Variants in ADAM22 observed in about 807,000 individuals in gnomAD.
ADAM22 encodes disintegrin and metalloproteinase domain-containing protein 22.
A neutral mutation model predicts 144.6 loss-of-function variants in ADAM22; 65 were observed. The ratio of observed to expected loss-of-function variants is 0.45; its 90% CI spans 0.37 to 0.55. The LOEUF (loss-of-function observed/expected upper bound fraction) is 0.55. Ranked by LOEUF, ADAM22 falls within the 20% of genes least tolerant of loss-of-function variation. ADAM22 has a pLI of 0.00. For missense variants in ADAM22, 974 were observed against 1,184.9 expected (o/e 0.82, Z 2.61); for synonymous variants, 391 against 412.6 (o/e 0.95, Z 0.63).
intron 2 of ADAM22, among the ~76,000 whole-genome samples, chr7:87,950,078 G>A (rs2131377968): frequency 6.6e-6 from 1 of 152,072 alleles, no homozygotes; most frequent in South Asian, 2.1e-4. Flanking sequence ...AGTATAATTA[G>A]CTTCAAGAAT....
intron 3 of ADAM22, among the ~76,000 whole-genome samples, chr7:87,993,091 A>T (rs1366538359): frequency 2.0e-5 from 3 of 152,134 alleles, no homozygotes; most frequent in African/African-American, 7.2e-5. Flanking sequence ...TATGGGGTGG[A>T]TATTGGAGAG....
chr7:88,098,419 G>A (rs777856456), intron 4 of ADAM22, among the ~76,000 whole-genome samples: 1 of 152,070 alleles, frequency 6.6e-6, no homozygotes, highest in Non-Finnish European at 1.5e-5. Context: ...TATTTTACTG[G>A]TTTGAATAGT....
At position 88,131,451 on chromosome 7, in the gene ADAM22, A is replaced by G. The variant is rs374372191; in HGVS notation, c.992+16A>G. On this transcript the variant is annotated intron_variant, in intron 11 of 31. Coordinates refer to ENST00000413139, the MANE Select transcript of ADAM22 (RefSeq NM_001324418.2). ...ACCTTTTTTCGTACGTAACTTCTGT[A>G]ATGATGTATTACTTTTTTTGATTCC... The G allele has an allele frequency of 1.2e-5, 20 of 1,611,706 alleles. No individual in the cohort carries two copies. The Middle Eastern group carries it at 8.2e-4, about 66-fold the overall frequency.
At chr7:88,192,958 CTGT>C (rs1849933307) in intron 30 of ADAM22, among the ~76,000 whole-genome samples, 155 bp from the exon 31 acceptor site, 1 of 152,206 alleles carries the variant, frequency 6.6e-6, no homozygotes. Context: ...CAGCATTTCA[CTGT>C]TGAGAATGAC....
At chr7:87,959,201 C>T (rs1847498921) in intron 2 of ADAM22, among the ~76,000 whole-genome samples, 1 of 152,092 alleles carries the variant, frequency 6.6e-6, no homozygotes, top group African/African-American at 2.4e-5. Context: ...GCCACTAGCT[C>T]ACTGTGTGAA....
rs1181155044 is a variant in ADAM22 at position 88,036,451 on chromosome 7, A to G, written c.324-39175A>G. 2.0e-5 allele frequency among the ~76,000 whole-genome samples: 3 copies of G among 152,154 alleles called. 1 individual carries two copies. Among genetic ancestry groups the G allele is most frequent in the Admixed American group, 2.0e-4 (3 of 15,276 alleles). ...GATGTAAAATATTTTTCACAATTGT[A>G]TTTTTAATATAGCAACCCATTTTAT... On this transcript the variant is annotated intron_variant, in intron 3 of 31. Transcript: ENST00000413139.
chr7:87,949,116 C>A (rs1844413568), intron 2 of ADAM22, among the ~76,000 whole-genome samples: 1 of 152,112 alleles, frequency 6.6e-6, no homozygotes, highest in African/African-American at 2.4e-5. Flanking sequence ...ATGGCTAAAG[C>A]CCTAAATTCT....
intron 3 of ADAM22, among the ~76,000 whole-genome samples, chr7:88,047,971 G>A (rs966637661): frequency 2.0e-5 from 3 of 151,948 alleles, no homozygotes; most frequent in Non-Finnish European, 4.4e-5. Context: ...TAAAAAAGAA[G>A]TGAAATAAAA....
chr7:87,953,341 G>T (rs1282158318), intron 2 of ADAM22, among the ~76,000 whole-genome samples: 1 of 151,900 alleles, frequency 6.6e-6, no homozygotes, highest in African/African-American at 2.4e-5. Flanking sequence ...GGTATGTTGG[G>T]TGTTTGTTCT....
At chr7:88,083,629 G>A (rs1171704841) in intron 4 of ADAM22, among the ~76,000 whole-genome samples, 1 of 142,540 alleles carries the variant, frequency 7.0e-6, no homozygotes, top group Non-Finnish European at 1.5e-5. Context: ...GTGTGTGTGT[G>A]TGTGTATGTG....
intron 6 of ADAM22, among the ~76,000 whole-genome samples, chr7:88,115,970 G>A (rs146019235): frequency 5.9e-5 from 9 of 152,196 alleles, no homozygotes; most frequent in African/African-American, 9.6e-5. Flanking sequence ...GTTCTTCCTC[G>A]TATTACACAA....
At chr7:87,961,066 G>A (rs1245755978) in intron 2 of ADAM22, among the ~76,000 whole-genome samples, 5 of 152,124 alleles carry the variant, frequency 3.3e-5, no homozygotes, top group Non-Finnish European at 7.4e-5. Flanking sequence ...AAAAAATATA[G>A]CATGGTAATG....
At chr7:87,947,661 G>A (rs746772683) in intron 2 of ADAM22, among the ~76,000 whole-genome samples, 1 of 152,074 alleles carries the variant, frequency 6.6e-6, no homozygotes, top group Non-Finnish European at 1.5e-5. Context: ...CATAGTTAAC[G>A]AGGGAAAAGT....
intron 3 of ADAM22, among the ~76,000 whole-genome samples, chr7:88,025,591 C>T (rs1303144698): frequency 6.6e-6 from 1 of 152,110 alleles, no homozygotes; most frequent in African/African-American, 2.4e-5. Context: ...ATATGGATAT[C>T]CAGTTTTCCC....
chr7:88,097,293 A>G (rs1821635826), intron 4 of ADAM22, among the ~76,000 whole-genome samples: 1 of 151,424 alleles, frequency 6.6e-6, no homozygotes, highest in Non-Finnish European at 1.5e-5. Flanking sequence ...CTGGAATTAC[A>G]GGTGTGCGCC....
chr7:88,152,339 C>T (rs1410161568), intron 20 of ADAM22, among the ~76,000 whole-genome samples: 2 of 152,004 alleles, frequency 1.3e-5, no homozygotes, highest in Non-Finnish European at 2.9e-5. Context: ...ATCAACTGTC[C>T]CTGGTTTTAG....
In ADAM22 at chr7:88,010,027, CT is replaced by C. The variant is rs1444020736; in HGVS notation, c.323+31616del. Among the ~76,000 whole-genome samples the C allele has an allele frequency of 8.1e-5, 10 of 123,944 alleles. No individual in the cohort carries two copies. The East Asian group carries it at 2.1e-3, about 25-fold the overall frequency. 81.3% of individuals were successfully genotyped at this position (123,944 alleles called of 152,430 possible). On this transcript the variant is annotated intron_variant, in intron 3 of 31. Transcript: ENST00000413139. ...TCCAACCCGTTATGGTTGAATTTCT[CT>C]CTTTTTTTTTTTCAAATATAAATAG...
chr7:88,119,698 A>G (rs1310626292), intron 7 of ADAM22, among the ~76,000 whole-genome samples: 2 of 152,234 alleles, frequency 1.3e-5, no homozygotes, highest in African/African-American at 2.4e-5. Context: ...CATGTTGGTC[A>G]GGCTGGTCTC....
intron 2 of ADAM22, among the ~76,000 whole-genome samples, chr7:87,969,221 C>T (rs1212556755): frequency 6.6e-6 from 1 of 152,138 alleles, no homozygotes; most frequent in Admixed American, 6.5e-5. Context: ...CTTGATCTTC[C>T]ATAATAGATC....
Sources: gnomAD v4.1 joint callset for allele counts (sites outside exome capture counted in the v4.1 genomes callset) on GRCh38, gnomAD v4.1.1 for gene constraint, MANE v1.5 for transcripts, NCBI Gene and HGNC (gene_info 2026-07-23, HGNC 2026-07-21) for gene names.